CLSTN2: variants seen among roughly 807,000 people sequenced by gnomAD.
CLSTN2 encodes the protein calsyntenin-2.
CLSTN2 carries 48 observed loss-of-function variants against 101.2 expected under a neutral mutation model. The observed-to-expected ratio is 0.47, with a 90% CI of 0.38 to 0.60. The LOEUF (loss-of-function observed/expected upper bound fraction) is 0.60, where lower values mean the gene tolerates loss of function less well. Ranked by LOEUF, CLSTN2 falls within the 20% of genes least tolerant of loss-of-function variation. The pLI, the probability that CLSTN2 is intolerant of heterozygous loss-of-function variation, is 0.00. For synonymous variants in CLSTN2, 481 were observed against 463.6 expected, an observed-to-expected ratio of 1.04 and a Z score of -0.48; for missense variants, 1,160 against 1,238.2, an observed-to-expected ratio of 0.94 and a Z score of 0.95.
intron 7 of CLSTN2, among the ~76,000 whole-genome samples, chr3:140,466,269 A>G (rs914646381): frequency 6.6e-6 from 1 of 152,238 alleles, no homozygotes; most frequent in African/African-American, 2.4e-5. Context: ...TAAACCCTCC[A>G]GAAGCATCTG....
intron 2 of CLSTN2, among the ~76,000 whole-genome samples, chr3:140,286,539 C>T (rs1372664430): frequency 6.6e-6 from 1 of 152,168 alleles, no homozygotes; most frequent in Non-Finnish European, 1.5e-5. Flanking sequence ...TATGTATATT[C>T]TTTTGCCGCC....
At chr3:139,994,124 G>C (rs1323121231) in intron 1 of CLSTN2, among the ~76,000 whole-genome samples, 1 of 152,150 alleles carries the variant, frequency 6.6e-6, no homozygotes, top group African/African-American at 2.4e-5. Context: ...TGCCACAGCA[G>C]GGGCTGCTGA....
At chr3:140,553,661 A>G (rs1193691361) in intron 10 of CLSTN2, among the ~76,000 whole-genome samples, 1 of 152,224 alleles carries the variant, frequency 6.6e-6, no homozygotes, top group Admixed American at 6.5e-5. Context: ...GTTTCTGCAT[A>G]GAATGCTGCA....
chr3:140,422,189 TTCTCTC>T (rs3035957), intron 5 of CLSTN2, among the ~76,000 whole-genome samples: 34,737 of 148,454 alleles, frequency 0.23, 4,761 homozygotes, highest in African/African-American at 0.39. Flanking sequence ...CTCTCTTTCT[TTCTCTC>T]TCTCTCTCTC....
At chr3:139,959,370 T>A (rs935581739) in intron 1 of CLSTN2, among the ~76,000 whole-genome samples, 1 of 152,216 alleles carries the variant, frequency 6.6e-6, no homozygotes, top group African/African-American at 2.4e-5. Flanking sequence ...AGGTACATAG[T>A]GTCGTTAGTT....
intron 8 of CLSTN2, among the ~76,000 whole-genome samples, chr3:140,501,428 C>T (rs1465784536): frequency 4.0e-5 from 6 of 151,036 alleles, no homozygotes; most frequent in Non-Finnish European, 8.8e-5. Context: ...GGCACCCTTG[C>T]GTCCTTAGGG....
At chr3:140,320,611 C>A (rs552915618) in intron 2 of CLSTN2, among the ~76,000 whole-genome samples, 3 of 121,204 alleles carry the variant, frequency 2.5e-5, no homozygotes, top group African/African-American at 6.6e-5. Context: ...GTTTTTTTTG[C>A]GGGGGGGGGC....
chr3:140,365,947 T>A (rs3943277), intron 2 of CLSTN2, among the ~76,000 whole-genome samples: 3 of 151,984 alleles, frequency 2.0e-5, no homozygotes, highest in Admixed American at 6.6e-5. Flanking sequence ...GGGACCACGC[T>A]CCAGGGCGTC....
intron 8 of CLSTN2, among the ~76,000 whole-genome samples, chr3:140,527,021 A>G (rs1935157372): frequency 6.6e-6 from 1 of 152,172 alleles, no homozygotes; most frequent in Non-Finnish European, 1.5e-5. Flanking sequence ...CAACATCAGC[A>G]TTGGCAAAGA....
chr3:140,208,369 G>A (rs1559806911), intron 2 of CLSTN2, among the ~76,000 whole-genome samples: 1 of 152,230 alleles, frequency 6.6e-6, no homozygotes, highest in East Asian at 1.9e-4. Flanking sequence ...ACTGTATTTA[G>A]GAGAATAGAC....
intron 5 of CLSTN2, among the ~76,000 whole-genome samples, chr3:140,428,528 C>T (rs1415498787): frequency 1.3e-5 from 2 of 152,102 alleles, no homozygotes; most frequent in Admixed American, 1.3e-4. Flanking sequence ...TGAGGCTCCC[C>T]AGACTGAAGA....
chr3:140,484,820 T>G (rs956852907), intron 8 of CLSTN2, among the ~76,000 whole-genome samples: 3 of 152,250 alleles, frequency 2.0e-5, no homozygotes, highest in African/African-American at 7.2e-5. Flanking sequence ...TCAGGTCATT[T>G]AAGGACTTCT....
chr3:140,229,843 C>A (rs887043791), intron 2 of CLSTN2, among the ~76,000 whole-genome samples: 1 of 152,128 alleles, frequency 6.6e-6, no homozygotes, highest in Non-Finnish European at 1.5e-5. Context: ...AAGGTTCCTT[C>A]CTGCCCTAAG....
At chr3:140,278,468 T>G (rs550850613) in intron 2 of CLSTN2, among the ~76,000 whole-genome samples, 1 of 152,258 alleles carries the variant, frequency 6.6e-6, no homozygotes, top group East Asian at 1.9e-4. Flanking sequence ...CCTTCAGAAT[T>G]TAGCCTTCCA....
intron 5 of CLSTN2, among the ~76,000 whole-genome samples, chr3:140,448,151 C>T (rs962280728): frequency 5.1e-4 from 77 of 151,764 alleles, no homozygotes; most frequent in East Asian, 1.7e-3. Context: ...CAGGCGTGGA[C>T]GGGTGTGGCT....
At chr3:139,990,921 C>G (rs959198144) in intron 1 of CLSTN2, among the ~76,000 whole-genome samples, 1 of 152,054 alleles carries the variant, frequency 6.6e-6, no homozygotes, top group Non-Finnish European at 1.5e-5. Context: ...TTAATATTGT[C>G]TTAAAGAATA....
chr3:140,128,671 T>C (rs905643841), intron 1 of CLSTN2, among the ~76,000 whole-genome samples: 6 of 152,180 alleles, frequency 3.9e-5, no homozygotes, highest in African/African-American at 1.4e-4. Flanking sequence ...GTGATCCTAC[T>C]GGGAGAGATC....
intron 2 of CLSTN2, among the ~76,000 whole-genome samples, chr3:140,393,338 T>A (rs763099031): frequency 6.6e-6 from 1 of 152,232 alleles, no homozygotes; most frequent in Non-Finnish European, 1.5e-5. Flanking sequence ...ATATTAAGTC[T>A]TCCTCTGGTT....
At position 140,298,233 on chromosome 3, in the gene CLSTN2, G is replaced by A. The variant is rs553395707; in HGVS notation, c.233-105396G>A. ...TGATTTTGGCCAAATCACTTAATAT[G>A]TGTAAACCTCAGTTTCCTTATCTGT... On this transcript the variant is annotated intron_variant, in intron 2 of 16. Transcript: ENST00000458420. 9.8e-5 allele frequency among the ~76,000 whole-genome samples: 15 copies of A among 152,296 alleles called. No homozygotes were observed. In the South Asian group the frequency reaches 3.1e-3, roughly 32 times the overall value.
Sources: gnomAD v4.1 joint callset for allele counts (sites outside exome capture counted in the v4.1 genomes callset) on GRCh38, gnomAD v4.1.1 for gene constraint, MANE v1.5 for transcripts, NCBI Gene and HGNC (gene_info 2026-07-23, HGNC 2026-07-21) for gene names.